The following MTUS1 variants were observed in gnomAD, a reference collection of about 807,000 sequenced individuals.
MTUS1 encodes microtubule associated scaffold protein 1.
Under a neutral mutation model 120.8 loss-of-function variants are expected in MTUS1, and 109 were observed. That is an observed-to-expected ratio of 0.90 (90% CI 0.77 to 1.06). The LOEUF (loss-of-function observed/expected upper bound fraction) is 1.06, where lower values mean the gene tolerates loss of function less well. Among genes scored for constraint, MTUS1 ranks in the 50% least tolerant of loss-of-function variants. The probability of loss-of-function intolerance (pLI) is 0.00; values close to 1 mark genes in which losing one functional copy is unlikely to be tolerated. For missense variants in MTUS1, 2,210 were observed against 1,486.3 expected, an observed-to-expected ratio of 1.49 and a Z score of -8.01; for synonymous variants, 737 against 550.5, an observed-to-expected ratio of 1.34 and a Z score of -4.74.
chr8:17,800,973 C>G (rs1038673251), intron 1 of MTUS1, 88 bp downstream of exon 1: 1 of 152,338 alleles, frequency 6.6e-6, no homozygotes, highest in African/African-American at 2.4e-5. Context: ...CCCCGAGGAC[C>G]GGTCCCGTCA....
At chr8:17,763,019 T>G (rs2049165301) in intron 1 of MTUS1, among the ~76,000 whole-genome samples, 1 of 150,182 alleles carries the variant, frequency 6.7e-6, no homozygotes, top group African/African-American at 2.5e-5. Flanking sequence ...TGAGACGAAG[T>G]CTTGCTCTAT....
intron 7 of MTUS1, among the ~76,000 whole-genome samples, chr8:17,679,677 T>C (rs950638962): frequency 2.0e-5 from 3 of 151,876 alleles, no homozygotes; most frequent in Admixed American, 6.6e-5. Flanking sequence ...AATTTTTGTA[T>C]TTTTTGGTAG....
At chr8:17,795,825 C>T (rs1275304262) in intron 1 of MTUS1, among the ~76,000 whole-genome samples, 2 of 151,466 alleles carry the variant, frequency 1.3e-5, no homozygotes, top group African/African-American at 4.9e-5. Flanking sequence ...TTAGTAGAGT[C>T]GGGTTTCACC....
chr8:17,796,591 C>T (rs952639156), intron 1 of MTUS1, among the ~76,000 whole-genome samples: 1 of 152,104 alleles, frequency 6.6e-6, no homozygotes, highest in African/African-American at 2.4e-5. Context: ...TCTTATGTAT[C>T]CACATGGCAA....
chr8:17,724,628 G>A (rs2979775), intron 3 of MTUS1, among the ~76,000 whole-genome samples: 85,910 of 151,942 alleles, frequency 0.57, 25,878 homozygotes, highest in Middle Eastern at 0.7. Context: ...TATACAGGCT[G>A]CGTATCCTCT....
chr8:17,784,353 T>C lies in MTUS1; in HGVS notation c.-155+16708A>G, dbSNP rs56730286. On this transcript the variant is annotated intron_variant, in intron 1 of 14. Coordinates refer to ENST00000693296, the MANE Select transcript of MTUS1 (RefSeq NM_001363059.2). ...TCTTGTTGCCCAGGCTAGAGTGCAATGTCGCCATCTCGGCTCACTGCAACC... is the reference window on the plus strand; with the variant it reads ...TCTTGTTGCCCAGGCTAGAGTGCAACGTCGCCATCTCGGCTCACTGCAACC... 6.0e-3 allele frequency among the ~76,000 whole-genome samples: 862 copies of C among 142,500 alleles called. 14 individuals are homozygous for C. Among genetic ancestry groups the C allele is most frequent in the African/African-American group, 0.022 (833 of 38,038 alleles). The allele number at this position is 142,500 out of a possible 152,430, so 93.5% of individuals were successfully genotyped here. A position where few individuals can be genotyped will look rare whatever the true frequency, so the allele number is the denominator to read the frequency against.
intron 1 of MTUS1, among the ~76,000 whole-genome samples, chr8:17,757,566 A>C (rs2048718747): frequency 6.6e-6 from 1 of 152,168 alleles, no homozygotes; most frequent in African/African-American, 2.4e-5. Context: ...TTGCTCTGCC[A>C]CCCAGGCTGG....
At chr8:17,671,025 A>C (rs1356364736) in intron 8 of MTUS1, among the ~76,000 whole-genome samples, 1 of 152,180 alleles carries the variant, frequency 6.6e-6, no homozygotes, top group Non-Finnish European at 1.5e-5. Flanking sequence ...GAGGGAATTT[A>C]CTGGATTGAC....
intron 6 of MTUS1, among the ~76,000 whole-genome samples, chr8:17,701,889 G>A (rs1007537875): frequency 1.4e-4 from 22 of 151,958 alleles, no homozygotes; most frequent in African/African-American, 5.1e-4. Context: ...ACATCAGACT[G>A]CTCTCCAATT....
At chr8:17,672,661 C>T (rs779774697) in intron 8 of MTUS1, among the ~76,000 whole-genome samples, 21 of 152,200 alleles carry the variant, frequency 1.4e-4, no homozygotes, top group Non-Finnish European at 2.5e-4. Context: ...AGAACGGTTA[C>T]CATCAGATGT....
At chr8:17,652,653 T>C (rs990533328) in intron 12 of MTUS1, among the ~76,000 whole-genome samples, 3 of 152,086 alleles carry the variant, frequency 2.0e-5, no homozygotes, top group African/African-American at 7.2e-5. Flanking sequence ...CTGGGCAACA[T>C]GGTAAAATCC....
At chr8:17,752,081 TACC>T (rs1460849295) in intron 2 of MTUS1, among the ~76,000 whole-genome samples, 2 of 152,104 alleles carry the variant, frequency 1.3e-5, no homozygotes, top group Middle Eastern at 6.3e-3. Context: ...CTTACCTCAG[TACC>T]ACATCGGGAG....
rs890622651 is a variant in MTUS1, at chr8:17,699,784, C to T, written c.2623+13430G>A. On this transcript the variant is annotated intron_variant, in intron 6 of 14. Coordinates refer to ENST00000693296, the MANE Select transcript of MTUS1 (RefSeq NM_001363059.2). ...CACCAAAGCAAGGGAGCTGCCTTGG[C>T]AGTCCATAAACAAATGGCCATCGCT... 3.9e-5 allele frequency among the ~76,000 whole-genome samples: 6 copies of T among 152,312 alleles called. No individual in the cohort carries two copies. The South Asian group carries it at 1.0e-3, about 26-fold the overall frequency.
At chr8:17,720,344 T>TAA (rs78717757) in intron 4 of MTUS1, among the ~76,000 whole-genome samples, 12 of 134,456 alleles carry the variant, frequency 8.9e-5, no homozygotes, top group Admixed American at 4.5e-4. Flanking sequence ...AAACTCCATC[T>TAA]AAAAAAAAAA....
chr8:17,730,485 T>TAAAA (rs56305317), intron 3 of MTUS1, among the ~76,000 whole-genome samples: 11 of 122,812 alleles, frequency 9.0e-5, no homozygotes, highest in African/African-American at 3.4e-4. Context: ...ACTCTGTCTT[T>TAAAA]AAAAAAAAAA....
intron 2 of MTUS1, among the ~76,000 whole-genome samples, chr8:17,751,148 C>G (rs1374606486): frequency 6.6e-6 from 1 of 152,150 alleles, no homozygotes; most frequent in African/African-American, 2.4e-5. Context: ...GAAACCCCAT[C>G]TCTAATAAAA....
At chr8:17,696,838 C>A (rs1818070529) in intron 6 of MTUS1, among the ~76,000 whole-genome samples, 4 of 152,216 alleles carry the variant, frequency 2.6e-5, no homozygotes, top group Admixed American at 2.0e-4. Flanking sequence ...ACTGTCAAAT[C>A]TGACTGAGAA....
At chr8:17,740,081 C>T (rs1586073684) in intron 3 of MTUS1, among the ~76,000 whole-genome samples, 1 of 152,116 alleles carries the variant, frequency 6.6e-6, no homozygotes, top group Admixed American at 6.5e-5. Flanking sequence ...GTGGTGGGTG[C>T]CTGTAAATCC....
At chr8:17,685,337 A>T (rs1180579874) in intron 6 of MTUS1, among the ~76,000 whole-genome samples, 1 of 152,218 alleles carries the variant, frequency 6.6e-6, no homozygotes, top group Admixed American at 6.5e-5. Context: ...AAAACTGTTC[A>T]GTCTTGGAAC....
Sources: gnomAD v4.1 joint callset for allele counts (sites outside exome capture counted in the v4.1 genomes callset) on GRCh38, gnomAD v4.1.1 for gene constraint, MANE v1.5 for transcripts, NCBI Gene and HGNC (gene_info 2026-07-23, HGNC 2026-07-21) for gene names.